Variants in FTO observed in about 807,000 individuals in gnomAD.
The protein encoded by FTO is alpha-ketoglutarate-dependent dioxygenase FTO.
A neutral mutation model predicts 63.9 loss-of-function variants in FTO; 47 were observed. The ratio of observed to expected loss-of-function variants is 0.74; its 90% CI spans 0.58 to 0.94. The LOEUF (loss-of-function observed/expected upper bound fraction) is 0.94, where lower values mean the gene tolerates loss of function less well. Ranked by LOEUF, FTO falls within the 40% of genes least tolerant of loss-of-function variation. The pLI is 0.00. For missense variants in FTO, 562 were observed against 618.1 expected (o/e 0.91, Z 0.96); for synonymous variants, 207 against 224.4 (o/e 0.92, Z 0.69).
At chr16:53,961,021 A>G (rs1217188809) in intron 8 of FTO, among the ~76,000 whole-genome samples, 1 of 152,180 alleles carries the variant, frequency 6.6e-6, no homozygotes, top group Non-Finnish European at 1.5e-5. Flanking sequence ...AGAAATCAAT[A>G]CAAGATAAAT....
intron 1 of FTO, among the ~76,000 whole-genome samples, chr16:53,722,827 C>CAAAAAA (rs34522072): frequency 7.1e-6 from 1 of 141,572 alleles, no homozygotes; most frequent in Non-Finnish European, 1.6e-5. Context: ...GACGCCACCT[C>CAAAAAA]AAAAAAAAAA....
intron 1 of FTO, among the ~76,000 whole-genome samples, chr16:53,748,081 G>A (rs1164734903): frequency 6.6e-6 from 1 of 152,100 alleles, no homozygotes; most frequent in Non-Finnish European, 1.5e-5. Context: ...TGGAAATAAG[G>A]TAGTGTGATG....
intron 4 of FTO, among the ~76,000 whole-genome samples, chr16:53,858,398 G>A (rs1273989134): frequency 6.6e-6 from 1 of 152,248 alleles, no homozygotes; most frequent in East Asian, 1.9e-4. Context: ...CAAATAAATA[G>A]GACAGTAAAC....
At chr16:54,031,414 A>G (rs760829043) in intron 8 of FTO, among the ~76,000 whole-genome samples, 1 of 152,138 alleles carries the variant, frequency 6.6e-6, no homozygotes, top group Non-Finnish European at 1.5e-5. Flanking sequence ...TTTGGAAGCT[A>G]GGGTTATTAA....
chr16:53,762,298 C>A (rs903212456), intron 1 of FTO, among the ~76,000 whole-genome samples: 2 of 152,164 alleles, frequency 1.3e-5, no homozygotes, highest in African/African-American at 4.8e-5. Context: ...GTCATTTTCT[C>A]TAAAGTCATC....
chr16:53,791,549 A>G (rs1212385055), intron 1 of FTO, among the ~76,000 whole-genome samples: 2 of 152,184 alleles, frequency 1.3e-5, no homozygotes, highest in African/African-American at 2.4e-5. Flanking sequence ...GAAATTACAT[A>G]TATGATGGTT....
At chr16:54,097,086 G>A (rs957632736) in intron 8 of FTO, among the ~76,000 whole-genome samples, 4 of 152,264 alleles carry the variant, frequency 2.6e-5, no homozygotes, top group Admixed American at 1.3e-4. Flanking sequence ...TAATGCATAT[G>A]GACGTAAGCC....
intron 1 of FTO, chr16:53,711,427 C>T (rs2075774433): frequency 2.5e-6 from 1 of 398,574 alleles, no homozygotes; most frequent in East Asian, 3.6e-5. Flanking sequence ...GACACAGTCC[C>T]ATGGAACTGG....
intron 8 of FTO, among the ~76,000 whole-genome samples, chr16:54,038,164 G>A (rs1383393032): frequency 6.6e-6 from 1 of 152,114 alleles, no homozygotes; most frequent in African/African-American, 2.4e-5. Context: ...TAGAGACTTG[G>A]CCCCAGACAG....
chr16:54,026,953 T>C (rs2084727474), intron 8 of FTO, among the ~76,000 whole-genome samples: 1 of 152,052 alleles, frequency 6.6e-6, no homozygotes, highest in East Asian at 1.9e-4. Flanking sequence ...AGAATATAAC[T>C]CCATTTAAAG....
At chr16:53,888,797 T>C in intron 6 of FTO, 35 bp from the exon 7 acceptor site, 1 of 1,612,642 alleles carries the variant, frequency 6.2e-7, no homozygotes, top group Non-Finnish European at 8.5e-7. Flanking sequence ...ATCACAAGGG[T>C]ATTAAAACCA....
chr16:53,853,789 C>T (rs1048789317), intron 4 of FTO, among the ~76,000 whole-genome samples: 1 of 152,096 alleles, frequency 6.6e-6, no homozygotes, highest in Non-Finnish European at 1.5e-5. Flanking sequence ...TAAACATATG[C>T]GTGCAGATAT....
At chr16:54,037,680 G>T (rs1944778136) in intron 8 of FTO, among the ~76,000 whole-genome samples, 1 of 152,102 alleles carries the variant, frequency 6.6e-6, no homozygotes, top group African/African-American at 2.4e-5. Context: ...CATTTAATAG[G>T]TGGTTTAAAT....
chr16:54,026,562 G>A (rs1189925095), intron 8 of FTO, among the ~76,000 whole-genome samples: 1 of 152,208 alleles, frequency 6.6e-6, no homozygotes, highest in Non-Finnish European at 1.5e-5. Context: ...TCAGGCCTGT[G>A]TGAGAGAGTA....
At position 54,112,827 on chromosome 16, in the gene FTO, T is replaced by C. The variant is rs544106387; in HGVS notation, c.*912T>C. On this transcript the variant is annotated 3_prime_UTR_variant, in exon 9 of 9. Coordinates refer to ENST00000471389, the MANE Select transcript of FTO (RefSeq NM_001080432.3). The stretch of plus-strand genomic sequence containing the variant: ...CGTGGATTTCACCAGCATAGTATAG[T>C]TTTTTTCTGTAAGTCCCTCATTCTT... 4.9e-4 allele frequency: 75 copies of C among 152,288 alleles called. No homozygotes were observed. The highest frequency in any genetic ancestry group is 1.8e-3 in the African/African-American group (74 of 41,568). The allele number at this position is 152,288 out of a possible 1,614,324, so 9.4% of individuals were successfully genotyped here. A position where few individuals can be genotyped will look rare whatever the true frequency, so the allele number is the denominator to read the frequency against.
chr16:54,050,935 A>G (rs2085297329), intron 8 of FTO, among the ~76,000 whole-genome samples: 1 of 152,256 alleles, frequency 6.6e-6, no homozygotes, highest in Admixed American at 6.5e-5. Flanking sequence ...AACAGACAGT[A>G]TGAAAACATT....
At chr16:53,760,060 C>T (rs372079001) in intron 1 of FTO, among the ~76,000 whole-genome samples, 5 of 152,300 alleles carry the variant, frequency 3.3e-5, no homozygotes, top group African/African-American at 1.2e-4. Flanking sequence ...CTGTTTTCAG[C>T]TTCATGGTTG....
intron 3 of FTO, 136 bp downstream of exon 3, chr16:53,826,627 G>A (rs1267783010): frequency 9.0e-6 from 7 of 781,080 alleles, no homozygotes; most frequent in Non-Finnish European, 1.3e-5. Flanking sequence ...ATGCGTGTGT[G>A]TGTATCATGT....
chr16:53,840,011 G>T (rs2079427447), intron 3 of FTO, among the ~76,000 whole-genome samples: 1 of 151,790 alleles, frequency 6.6e-6, no homozygotes, highest in African/African-American at 2.4e-5. Flanking sequence ...CACCATGTTG[G>T]CCAGGATGGT....
Sources: gnomAD v4.1 joint callset for allele counts (sites outside exome capture counted in the v4.1 genomes callset) on GRCh38, gnomAD v4.1.1 for gene constraint, MANE v1.5 for transcripts, NCBI Gene and HGNC (gene_info 2026-07-23, HGNC 2026-07-21) for gene names.